Variants in CCDC171 observed in about 807,000 individuals in gnomAD.
The protein encoded by CCDC171 is coiled-coil domain containing 171.
CCDC171 carries 177 observed loss-of-function variants against 168.2 expected under a neutral mutation model. That is an observed-to-expected ratio of 1.05 (90% CI 0.93 to 1.19). The LOEUF is 1.19. CCDC171 is among the 50% of genes most tolerant of loss of function. CCDC171 has a pLI of 0.00. For missense variants in CCDC171, 1,991 were observed against 1,539.0 expected, an observed-to-expected ratio of 1.29 and a Z score of -4.91; for synonymous variants, 687 against 540.8, an observed-to-expected ratio of 1.27 and a Z score of -3.75.
chr9:16,070,357 G>T, the CCDC171 span, among the ~76,000 whole-genome samples: 2 of 152,216 alleles, frequency 1.3e-5, no homozygotes, highest in Non-Finnish European at 2.9e-5. Flanking sequence ...TCTTTCACTG[G>T]AAAAAGTACC....
At chr9:15,715,611 A>G (rs2053020700) in intron 11 of CCDC171, among the ~76,000 whole-genome samples, 1 of 152,202 alleles carries the variant, frequency 6.6e-6, no homozygotes, top group Non-Finnish European at 1.5e-5. Context: ...CATATCCTAT[A>G]TTGATAGCTG....
At chr9:16,008,240 G>C (rs1255367369) in intron 3 of CCDC171, among the ~76,000 whole-genome samples, 1 of 151,910 alleles carries the variant, frequency 6.6e-6, no homozygotes, top group Non-Finnish European at 1.5e-5. Flanking sequence ...TCTATTTTGA[G>C]TTAATTTTTT....
At chr9:15,628,110 G>A (rs1052931299) in intron 7 of CCDC171, among the ~76,000 whole-genome samples, 1 of 152,156 alleles carries the variant, frequency 6.6e-6, no homozygotes, top group African/African-American at 2.4e-5. Context: ...CGCAGAAGAC[G>A]GGTGATTTCT....
At chr9:15,964,657 A>G (rs1438301086) in intron 25 of CCDC171, among the ~76,000 whole-genome samples, 3 of 152,202 alleles carry the variant, frequency 2.0e-5, no homozygotes, top group Non-Finnish European at 4.4e-5. Flanking sequence ...CACATCAGGA[A>G]ATCTAAACAT....
intron 6 of CCDC171, among the ~76,000 whole-genome samples, chr9:16,032,884 A>T (rs1447669012): frequency 6.6e-6 from 1 of 152,320 alleles, no homozygotes; most frequent in South Asian, 2.1e-4. Context: ...GGACAAATGC[A>T]CAGGCTCTCC....
At chr9:15,964,453 G>A (rs1236335388) in intron 25 of CCDC171, among the ~76,000 whole-genome samples, 1 of 152,066 alleles carries the variant, frequency 6.6e-6, no homozygotes, top group African/African-American at 2.4e-5. Context: ...AATTGTTTGG[G>A]AATGTATGTT....
chr9:15,873,412 C>T (rs1277964388), intron 23 of CCDC171, among the ~76,000 whole-genome samples: 1 of 152,026 alleles, frequency 6.6e-6, no homozygotes, highest in Non-Finnish European at 1.5e-5. Context: ...TTTATTTGAG[C>T]AGTTAATGCA....
chr9:15,864,919 A>T (rs544996112), intron 23 of CCDC171, among the ~76,000 whole-genome samples: 2 of 152,238 alleles, frequency 1.3e-5, no homozygotes, highest in East Asian at 3.9e-4. Context: ...TTGAGAAAGC[A>T]TGAGTCCTAC....
At chr9:16,035,288 G>A (rs1389293309) in intron 6 of CCDC171, among the ~76,000 whole-genome samples, 1 of 152,146 alleles carries the variant, frequency 6.6e-6, no homozygotes, top group Non-Finnish European at 1.5e-5. Flanking sequence ...AATTAACATG[G>A]ACATTATTAG....
intron 10 of CCDC171, among the ~76,000 whole-genome samples, chr9:15,685,836 T>C (rs2050355592): frequency 6.6e-6 from 1 of 152,210 alleles, no homozygotes; most frequent in Admixed American, 6.5e-5. Flanking sequence ...ATATTATTTG[T>C]AAGACTATTA....
At chr9:15,759,471 T>A (rs756500718) in intron 18 of CCDC171, among the ~76,000 whole-genome samples, 1 of 152,182 alleles carries the variant, frequency 6.6e-6, no homozygotes, top group Non-Finnish European at 1.5e-5. Context: ...CATTAAACTT[T>A]CCCTAGTTGT....
intron 25 of CCDC171, among the ~76,000 whole-genome samples, chr9:15,949,032 TCTACATATGGCTAGC>T (rs2132426344): frequency 6.6e-6 from 1 of 152,342 alleles, no homozygotes; most frequent in African/African-American, 2.4e-5. Context: ...GTTTCAGCTT[TCTACATATGGCTAGC>T]CAGTTTTCCC....
intron 21 of CCDC171, among the ~76,000 whole-genome samples, chr9:15,829,584 T>A (rs1208252299): frequency 6.6e-6 from 1 of 152,196 alleles, no homozygotes; most frequent in Non-Finnish European, 1.5e-5. Flanking sequence ...GAAAATACTC[T>A]GCAAAACTTG....
chr9:15,750,299 A>G (rs1350736393), intron 18 of CCDC171, among the ~76,000 whole-genome samples: 1 of 152,174 alleles, frequency 6.6e-6, no homozygotes, highest in African/African-American at 2.4e-5. Context: ...TAGACCAATA[A>G]CAGGTTCTGA....
At chr9:15,827,575 C>A (rs549974214) in intron 21 of CCDC171, among the ~76,000 whole-genome samples, 1 of 152,116 alleles carries the variant, frequency 6.6e-6, no homozygotes, top group African/African-American at 2.4e-5. Flanking sequence ...CTATTTTATT[C>A]AAGTTTGAAA....
chr9:15,830,857 C>A (rs1334843995), intron 21 of CCDC171, among the ~76,000 whole-genome samples: 3 of 152,006 alleles, frequency 2.0e-5, no homozygotes, highest in Non-Finnish European at 4.4e-5. Flanking sequence ...CATAGAGACC[C>A]TGTTGAAGAA....
At chr9:15,614,929 A>C (rs1159300788) in intron 6 of CCDC171, among the ~76,000 whole-genome samples, 1 of 152,212 alleles carries the variant, frequency 6.6e-6, no homozygotes, top group African/African-American at 2.4e-5. Context: ...GTCAATGTCA[A>C]AATTGCTGGC....
At chr9:16,007,715 C>G (rs902769213) in intron 3 of CCDC171, among the ~76,000 whole-genome samples, 1 of 152,124 alleles carries the variant, frequency 6.6e-6, no homozygotes, top group African/African-American at 2.4e-5. Context: ...TTGTTTTTGT[C>G]AGGTTTGTCA....
chr9:15,794,690 C>T (rs2058461424), intron 21 of CCDC171, among the ~76,000 whole-genome samples: 1 of 152,082 alleles, frequency 6.6e-6, no homozygotes, highest in East Asian at 1.9e-4. Context: ...AACCAAAGAA[C>T]AACATGTGAT....
Sources: gnomAD v4.1 joint callset for allele counts (sites outside exome capture counted in the v4.1 genomes callset) on GRCh38, gnomAD v4.1.1 for gene constraint, MANE v1.5 for transcripts, NCBI Gene and HGNC (gene_info 2026-07-23, HGNC 2026-07-21) for gene names.